Variants in FRYL observed in about 807,000 individuals in gnomAD.
FRYL encodes protein furry homolog-like.
In FRYL, 150 loss-of-function variants were observed where a neutral mutation model predicts 351.2. The ratio of observed to expected loss-of-function variants is 0.43; its 90% CI spans 0.37 to 0.49. The LOEUF (loss-of-function observed/expected upper bound fraction) is 0.49, where lower values mean the gene tolerates loss of function less well. FRYL is among the 20% of genes least tolerant of loss of function. FRYL has a pLI of 0.00. For missense variants in FRYL, 3,036 were observed against 3,619.3 expected, an observed-to-expected ratio of 0.84 and a Z score of 4.13; for synonymous variants, 1,153 against 1,257.1, an observed-to-expected ratio of 0.92 and a Z score of 1.75.
At chr4:48,539,105 T>C (rs1055972426) in intron 47 of FRYL, among the ~76,000 whole-genome samples, 1 of 152,180 alleles carries the variant, frequency 6.6e-6, no homozygotes, top group Non-Finnish European at 1.5e-5. Context: ...TCTTCTAACA[T>C]TGAGCCATAA....
At chr4:48,519,738 C>CT (rs777721981) in intron 55 of FRYL, among the ~76,000 whole-genome samples, 24 of 145,302 alleles carry the variant, frequency 1.7e-4, no homozygotes, top group African/African-American at 2.5e-4. Flanking sequence ...CTCTCTCGCT[C>CT]TTTTTTTTTT....
At chr4:48,605,965 A>AT in intron 10 of FRYL, 132 bp from the exon 11 acceptor site, 2 of 606,084 alleles carry the variant, frequency 3.3e-6, no homozygotes, top group Non-Finnish European at 2.9e-6. Context: ...CAAGTCAAAA[A>AT]ACAAAGCTGG....
At chr4:48,543,298 T>C (rs1730639731) in intron 44 of FRYL, among the ~76,000 whole-genome samples, 1 of 152,226 alleles carries the variant, frequency 6.6e-6, no homozygotes, top group Non-Finnish European at 1.5e-5. Flanking sequence ...GGATAAATTA[T>C]GTTATGTATA....
chr4:48,701,122 A>T (rs78816551), intron 2 of FRYL, among the ~76,000 whole-genome samples: 2,749 of 152,316 alleles, frequency 0.018, 81 homozygotes, highest in African/African-American at 0.063. Context: ...ATTGACTTTT[A>T]AATGGGTTTA....
At chr4:48,609,668 T>C (rs1578332988) in intron 8 of FRYL, 76 bp downstream of exon 8, 1 of 638,888 alleles carries the variant, frequency 1.6e-6, no homozygotes, top group East Asian at 3.1e-5. Context: ...CTCAAACAAA[T>C]GATCAGTAAG....
At chr4:48,584,427 T>C (rs1447853896) in intron 19 of FRYL, among the ~76,000 whole-genome samples, 2 of 152,090 alleles carry the variant, frequency 1.3e-5, no homozygotes, top group East Asian at 1.9e-4. Flanking sequence ...AAGAGAAGTA[T>C]TATAGCTAGA....
At chr4:48,566,781 G>C (rs1239124731) in intron 28 of FRYL, among the ~76,000 whole-genome samples, 3 of 152,130 alleles carry the variant, frequency 2.0e-5, no homozygotes, top group Non-Finnish European at 1.5e-5. Context: ...AATCTTCCTA[G>C]TATCTAAACC....
Position 48,589,785 on chromosome 4 carries a change from TG to T in FRYL, c.1599del (p.Ser534ValfsTer12). On this transcript the variant is annotated frameshift_variant, in exon 18 of 64. Coordinates refer to ENST00000358350, the MANE Select transcript of FRYL (RefSeq NM_015030.2). LOFTEE classifies it high-confidence loss of function. ...DKEVGRPMCM[T>X]SVQMSNKEPE... is the part of the protein sequence containing the mutation. ...GGCTCCTTATTAGACATCTGCACAC[TG>T]GTCATACACATTGGTCTCCCAACTT... 6.2e-7 allele frequency: 1 copy of T among 1,613,888 alleles called. No homozygotes were observed. Among genetic ancestry groups the T allele is most frequent in the Non-Finnish European group, 8.5e-7 (1 of 1,179,814 alleles).
At chr4:48,501,477 C>T (rs1316585984) in intron 62 of FRYL, 146 bp downstream of exon 62, 5 of 623,640 alleles carry the variant, frequency 8.0e-6, no homozygotes, top group African/African-American at 3.8e-5. Flanking sequence ...CATAGCACAT[C>T]ATTAAAAAAC....
intron 50 of FRYL, among the ~76,000 whole-genome samples, chr4:48,530,361 TG>T (rs907982261): frequency 3.3e-5 from 5 of 152,142 alleles, no homozygotes; most frequent in African/African-American, 7.2e-5. Flanking sequence ...GCAATTGTCT[TG>T]GGACAGTCCC....
At chr4:48,619,213 C>A in intron 7 of FRYL, 61 bp downstream of exon 7, 1 of 1,038,244 alleles carries the variant, frequency 9.6e-7, no homozygotes, top group Non-Finnish European at 1.5e-6. Context: ...GTAACTGAAA[C>A]ACGAAGGCAC....
intron 2 of FRYL, among the ~76,000 whole-genome samples, chr4:48,696,889 T>TATC (rs1766240817): frequency 6.8e-6 from 1 of 146,142 alleles, no homozygotes; most frequent in Non-Finnish European, 1.5e-5. Context: ...TCTATCTATC[T>TATC]ATCTATCACT....
At chr4:48,564,858 T>C (rs1736408338) in intron 30 of FRYL, 75 bp downstream of exon 30, 1 of 710,762 alleles carries the variant, frequency 1.4e-6, no homozygotes, top group Non-Finnish European at 2.3e-6. Flanking sequence ...GACTTGTTTT[T>C]AGTGCAACAT....
intron 1 of FRYL, among the ~76,000 whole-genome samples, chr4:48,757,325 G>A (rs546171029): frequency 2.0e-5 from 3 of 152,278 alleles, no homozygotes; most frequent in Non-Finnish European, 4.4e-5. Flanking sequence ...TGACATGACT[G>A]TATATTTAGA....
At chr4:48,667,541 C>G (rs527940608) in intron 3 of FRYL, among the ~76,000 whole-genome samples, 1 of 151,842 alleles carries the variant, frequency 6.6e-6, no homozygotes, top group East Asian at 1.9e-4. Flanking sequence ...AGTAGGATCT[C>G]AAATCAAATT....
In FRYL at chr4:48,588,189, A is replaced by G. The variant is rs1742541018; in HGVS notation, c.1641-1461T>C. Among the ~76,000 whole-genome samples the G allele has an allele frequency of 1.3e-5, 2 of 152,354 alleles. 1 individual carries two copies. The highest frequency in any genetic ancestry group is 4.1e-4 in the South Asian group (2 of 4,830). On this transcript the variant is annotated intron_variant, in intron 18 of 63. Coordinates refer to ENST00000358350, the MANE Select transcript of FRYL (RefSeq NM_015030.2). The stretch of plus-strand genomic sequence containing the variant: ...CTCCTGGTCTCCCAGGATAACCCAC[A>G]TGACATTTTACAGAAATAGATAATC...
chr4:48,626,534 C>T (rs1341461937), intron 4 of FRYL, among the ~76,000 whole-genome samples: 1 of 151,934 alleles, frequency 6.6e-6, no homozygotes, highest in Non-Finnish European at 1.5e-5. Flanking sequence ...TTCTTTTTGT[C>T]AGTCTTTCTA....
chr4:48,714,399 A>G (rs1768492531), intron 1 of FRYL, among the ~76,000 whole-genome samples: 1 of 141,082 alleles, frequency 7.1e-6, no homozygotes, highest in Non-Finnish European at 1.6e-5. Flanking sequence ...AAAAAAAGAG[A>G]GAAGAATCAA....
At chr4:48,585,493 G>A (rs771266778) in intron 19 of FRYL, among the ~76,000 whole-genome samples, 1 of 152,218 alleles carries the variant, frequency 6.6e-6, no homozygotes, top group Non-Finnish European at 1.5e-5. Flanking sequence ...CCAGCCACAA[G>A]TAAACACCTT....
Sources: allele counts gnomAD v4.1 joint callset (sites outside exome capture counted in the v4.1 genomes callset), GRCh38; gene constraint gnomAD v4.1.1; transcripts MANE v1.5; gene names NCBI Gene and HGNC (gene_info 2026-07-23, HGNC 2026-07-21).